The following ZNF609 variants were observed in gnomAD, a reference collection of about 807,000 sequenced individuals.
ZNF609 encodes the protein zinc finger protein 609.
Under a neutral mutation model 109.5 loss-of-function variants are expected in ZNF609, and 11 were observed. The observed-to-expected ratio is 0.10, with a 90% confidence interval of 0.06 to 0.17. The LOEUF is 0.17. Ranked by LOEUF, ZNF609 falls within the 10% of genes least tolerant of loss-of-function variation. The pLI, the probability that ZNF609 is intolerant of heterozygous loss-of-function variation, is 1.00. For missense variants in ZNF609, 1,559 were observed against 1,772.4 expected, an observed-to-expected ratio of 0.88 and a Z score of 2.16; for synonymous variants, 646 against 662.0, an observed-to-expected ratio of 0.98 and a Z score of 0.37.
intron 2 of ZNF609, among the ~76,000 whole-genome samples, chr15:64,571,274 A>C (rs973798612): frequency 2.0e-5 from 3 of 152,188 alleles, no homozygotes; most frequent in Admixed American, 2.0e-4. Flanking sequence ...TCATAAGAAG[A>C]GCTAATAATA....
chr15:64,479,885 C>T (rs1482538436), intron 1 of ZNF609, among the ~76,000 whole-genome samples: 2 of 151,858 alleles, frequency 1.3e-5, no homozygotes, highest in Non-Finnish European at 2.9e-5. Flanking sequence ...CACCACTGTA[C>T]TCCAGCCTGG....
rs1171028303 is a variant in ZNF609 at position 64,528,614 on chromosome 15, T to TA, written c.747+28450dup. The TA allele has an allele frequency of 4.1e-6, 3 of 738,556 alleles. No homozygotes were observed. The African/African-American group carries it at 5.2e-5, about 13-fold the overall frequency. 45.8% of individuals were successfully genotyped at this position (738,556 alleles called of 1,614,324 possible). On this transcript the variant is annotated intron_variant, in intron 2 of 9. Coordinates refer to ENST00000326648, the MANE Select transcript of ZNF609 (RefSeq NM_015042.2). ...GATTATGGCAGGGACTCCCCAGCAGTAAGAGCTTCTGTCTTCCTCTCATGC... is the reference window on the plus strand; with the variant it reads ...GATTATGGCAGGGACTCCCCAGCAGTAAAGAGCTTCTGTCTTCCTCTCATGC...
chr15:64,463,617 G>T (rs2140325457), intron 1 of ZNF609, among the ~76,000 whole-genome samples: 1 of 152,322 alleles, frequency 6.6e-6, no homozygotes, highest in African/African-American at 2.4e-5. Context: ...GAGGCAATTA[G>T]TCTGTCTATG....
chr15:64,478,931 T>C (rs879522197), intron 1 of ZNF609, among the ~76,000 whole-genome samples: 1 of 152,198 alleles, frequency 6.6e-6, no homozygotes, highest in Non-Finnish European at 1.5e-5. Context: ...TTGTTTTCTT[T>C]AGTGGTTGAA....
intron 2 of ZNF609, among the ~76,000 whole-genome samples, chr15:64,576,290 C>T (rs768194269): frequency 3.3e-5 from 5 of 151,988 alleles, no homozygotes; most frequent in African/African-American, 4.8e-5. Context: ...ATCTTTTATT[C>T]AGTGTCTACT....
chr15:64,547,106 T>C (rs1894377484), intron 2 of ZNF609, among the ~76,000 whole-genome samples: 1 of 150,962 alleles, frequency 6.6e-6, no homozygotes, highest in African/African-American at 2.5e-5. Flanking sequence ...TTCATGTTTC[T>C]TGATGCAAAT....
intron 1 of ZNF609, among the ~76,000 whole-genome samples, chr15:64,490,101 G>T (rs551784191): frequency 2.0e-4 from 30 of 152,180 alleles, no homozygotes; most frequent in African/African-American, 6.3e-4. Context: ...TGAGACTACA[G>T]GCATTTGCCA....
At chr15:64,604,826 C>CATTT (rs1057240710) in intron 2 of ZNF609, among the ~76,000 whole-genome samples, 6 of 151,782 alleles carry the variant, frequency 4.0e-5, no homozygotes, top group East Asian at 3.9e-4. Flanking sequence ...GTTATTTATT[C>CATTT]ATTTATTTAT....
intron 1 of ZNF609, among the ~76,000 whole-genome samples, chr15:64,482,222 A>G (rs2140338144): frequency 6.6e-6 from 1 of 152,366 alleles, no homozygotes; most frequent in African/African-American, 2.4e-5. Flanking sequence ...ACCAGATTAA[A>G]GTTTCTAGTA....
intron 2 of ZNF609, among the ~76,000 whole-genome samples, chr15:64,570,254 A>T (rs1894840221): frequency 6.6e-6 from 1 of 152,252 alleles, no homozygotes. Context: ...TGGAGCCAGG[A>T]TTAAAATCCA....
chr15:64,546,829 C>T (rs1377212774), intron 2 of ZNF609, among the ~76,000 whole-genome samples: 18 of 132,890 alleles, frequency 1.4e-4, no homozygotes, highest in East Asian at 1.1e-3. Flanking sequence ...CTCGCCCTGT[C>T]GCCCAGGCTG....
chr15:64,625,970 G>GAGAGAGAGA, intron 3 of ZNF609, among the ~76,000 whole-genome samples: 1 of 110,158 alleles, frequency 9.1e-6, no homozygotes, highest in African/African-American at 3.3e-5. Flanking sequence ...GAGAGAGAGA[G>GAGAGAGAGA]GATATTAAAA....
At chr15:64,591,065 C>T (rs1018982643) in intron 2 of ZNF609, among the ~76,000 whole-genome samples, 3 of 152,060 alleles carry the variant, frequency 2.0e-5, no homozygotes, top group Non-Finnish European at 2.9e-5. Context: ...CGGGCATGCT[C>T]GTTTATGCAT....
chr15:64,497,304 G>A (rs1193745155), intron 1 of ZNF609, among the ~76,000 whole-genome samples: 1 of 152,068 alleles, frequency 6.6e-6, no homozygotes. Context: ...TTGGGTAATG[G>A]ATATATTTTC....
At chr15:64,524,303 C>T (rs754145517) in intron 2 of ZNF609, among the ~76,000 whole-genome samples, 19 of 152,180 alleles carry the variant, frequency 1.2e-4, no homozygotes, top group African/African-American at 2.7e-4. Flanking sequence ...CAGTGGCTCA[C>T]GCCTGTAATC....
chr15:64,523,677 C>T (rs1013906615), intron 2 of ZNF609, among the ~76,000 whole-genome samples: 5 of 151,602 alleles, frequency 3.3e-5, no homozygotes, highest in South Asian at 2.1e-4. Context: ...GTGGGAGGAT[C>T]GCTTGAACCT....
chr15:64,680,086 T>A, intron 6 of ZNF609, 99 bp from the exon 7 acceptor site: 2 of 1,296,820 alleles, frequency 1.5e-6, no homozygotes, highest in Non-Finnish European at 2.2e-6. Flanking sequence ...TACCTCAGCC[T>A]GTGCCTAGGA....
In ZNF609 at chr15:64,604,580, C is replaced by T. The variant is rs575409207; in HGVS notation, c.748-18247C>T. 1.3e-4 allele frequency among the ~76,000 whole-genome samples: 20 copies of T among 152,296 alleles called. No individual in the cohort carries two copies. In the East Asian group the frequency reaches 3.3e-3, roughly 25 times the overall value. The stretch of plus-strand genomic sequence containing the variant: ...TTGTTCAGCATTTGTATTATAACAT[C>T]AGTGACTAAATAAAATGTATGCATA... On this transcript the variant is annotated intron_variant, in intron 2 of 9. Coordinates refer to ENST00000326648, the MANE Select transcript of ZNF609 (RefSeq NM_015042.2).
intron 2 of ZNF609, among the ~76,000 whole-genome samples, chr15:64,570,670 A>G (rs1029159794): frequency 6.6e-5 from 10 of 152,174 alleles, no homozygotes; most frequent in Non-Finnish European, 1.5e-4. Flanking sequence ...CGAGATACTA[A>G]TATTATCACG....
Sources: gnomAD v4.1 joint callset for allele counts (sites outside exome capture counted in the v4.1 genomes callset) on GRCh38, gnomAD v4.1.1 for gene constraint, MANE v1.5 for transcripts, NCBI Gene and HGNC (gene_info 2026-07-23, HGNC 2026-07-21) for gene names.